Variants in AGBL4 observed in about 807,000 individuals in gnomAD.
The protein encoded by AGBL4 is cytosolic carboxypeptidase 6.
Under a neutral mutation model 66.4 loss-of-function variants are expected in AGBL4, and 58 were observed. That is an observed-to-expected ratio of 0.87 (90% CI 0.71 to 1.09). AGBL4 has a LOEUF of 1.09. Among genes scored for constraint, AGBL4 ranks in the 50% least tolerant of loss-of-function variants. The probability of loss-of-function intolerance (pLI) is 0.00; values close to 1 mark genes in which losing one functional copy is unlikely to be tolerated. For synonymous variants in AGBL4, 234 were observed against 222.9 expected (o/e 1.05, Z -0.44); for missense variants, 579 against 631.0 (o/e 0.92, Z 0.88).
chr1:48,840,033 T>C (rs1646763542), intron 6 of AGBL4, among the ~76,000 whole-genome samples: 1 of 152,174 alleles, frequency 6.6e-6, no homozygotes, highest in African/African-American at 2.4e-5. Context: ...ATATAGCTGC[T>C]CTTTGCCGAT....
At chr1:48,794,766 T>C (rs1645629485) in intron 6 of AGBL4, among the ~76,000 whole-genome samples, 1 of 152,240 alleles carries the variant, frequency 6.6e-6, no homozygotes. Context: ...AGAATTTTAC[T>C]GTAGGCCTTC....
chr1:49,883,254 A>T (rs1298749862), intron 1 of AGBL4, among the ~76,000 whole-genome samples: 1 of 151,910 alleles, frequency 6.6e-6, no homozygotes, highest in Non-Finnish European at 1.5e-5. Flanking sequence ...AAATATTGGA[A>T]CTCTTTATTA....
chr1:49,851,653 T>C (rs1557513357), intron 1 of AGBL4, 135 bp from the exon 2 acceptor site: 3 of 818,982 alleles, frequency 3.7e-6, no homozygotes, highest in Non-Finnish European at 5.4e-6. Flanking sequence ...CACATTGTGG[T>C]ACAGTGAAAA....
At chr1:48,552,518 G>A (rs1341333111) in intron 11 of AGBL4, among the ~76,000 whole-genome samples, 2 of 152,212 alleles carry the variant, frequency 1.3e-5, no homozygotes, top group Non-Finnish European at 2.9e-5. Flanking sequence ...TTATAGTCCA[G>A]GTACTATTGA....
chr1:49,301,372 T>C (rs187016373), intron 3 of AGBL4, among the ~76,000 whole-genome samples: 1 of 152,338 alleles, frequency 6.6e-6, no homozygotes, highest in African/African-American at 2.4e-5. Context: ...GCTAACTGTC[T>C]TTGCTAATCA....
At chr1:49,624,806 T>C (rs1174610961) in intron 3 of AGBL4, among the ~76,000 whole-genome samples, 1 of 152,228 alleles carries the variant, frequency 6.6e-6, no homozygotes, top group African/African-American at 2.4e-5. Context: ...TCTAGACCTT[T>C]CTCCATGTGA....
At chr1:49,024,347 A>C (rs1286252104) in intron 5 of AGBL4, among the ~76,000 whole-genome samples, 9 of 152,140 alleles carry the variant, frequency 5.9e-5, no homozygotes, top group Non-Finnish European at 1.3e-4. Flanking sequence ...CCACATCTCC[A>C]ATATGCCATG....
intron 3 of AGBL4, among the ~76,000 whole-genome samples, chr1:49,255,049 C>T (rs1172381133): frequency 6.6e-6 from 1 of 152,084 alleles, no homozygotes; most frequent in African/African-American, 2.4e-5. Flanking sequence ...AAACTGAGAA[C>T]TATAAAAACC....
Position 48,639,839 on chromosome 1 carries a change from T to C in AGBL4, c.840-5235A>G, listed in dbSNP as rs191993801. 2.0e-5 allele frequency among the ~76,000 whole-genome samples: 3 copies of C among 152,308 alleles called. No individual in the cohort carries two copies. In the East Asian group the frequency reaches 5.8e-4, roughly 29 times the overall value. On this transcript the variant is annotated intron_variant, in intron 8 of 13. Coordinates refer to ENST00000371839, the MANE Select transcript of AGBL4 (RefSeq NM_032785.4). ...TATTTCTAACAGGCTGCTAGTATGTTCTGCTTGTGTCCCTAACTGACTATA... is the reference window on the plus strand; with the variant it reads ...TATTTCTAACAGGCTGCTAGTATGTCCTGCTTGTGTCCCTAACTGACTATA...
intron 6 of AGBL4, among the ~76,000 whole-genome samples, chr1:48,831,352 G>T (rs1239725326): frequency 6.6e-6 from 1 of 152,164 alleles, no homozygotes; most frequent in African/African-American, 2.4e-5. Context: ...CCATATCTGA[G>T]AGAGCCTCTT....
intron 4 of AGBL4, among the ~76,000 whole-genome samples, chr1:49,123,178 C>T (rs1465825492): frequency 6.6e-6 from 1 of 152,058 alleles, no homozygotes; most frequent in East Asian, 1.9e-4. Context: ...TTGTTATTGC[C>T]CACTATTGTT....
At chr1:49,817,641 TACAA>T (rs1219479802) in intron 2 of AGBL4, among the ~76,000 whole-genome samples, 1 of 152,158 alleles carries the variant, frequency 6.6e-6, no homozygotes, top group Non-Finnish European at 1.5e-5. Flanking sequence ...GAAGAAAATA[TACAA>T]ACAAAGAAAA....
At chr1:48,727,915 G>T (rs759854579) in intron 6 of AGBL4, 1 of 1,605,892 alleles carries the variant, frequency 6.2e-7, no homozygotes, top group Non-Finnish European at 8.5e-7. Flanking sequence ...GCTTCCCTTC[G>T]TTCTTCATTT....
At chr1:49,028,346 G>A (rs184808892) in intron 5 of AGBL4, among the ~76,000 whole-genome samples, 1 of 152,158 alleles carries the variant, frequency 6.6e-6, no homozygotes, top group Non-Finnish European at 1.5e-5. Context: ...AGAGAAAACA[G>A]AACAATCAGC....
At chr1:49,657,328 C>A (rs1352766470) in intron 3 of AGBL4, among the ~76,000 whole-genome samples, 1 of 152,118 alleles carries the variant, frequency 6.6e-6, no homozygotes, top group Non-Finnish European at 1.5e-5. Context: ...TCAAGGAGAA[C>A]TACAAACCAC....
chr1:49,724,980 T>G (rs993483060), intron 2 of AGBL4, among the ~76,000 whole-genome samples: 2 of 138,276 alleles, frequency 1.4e-5, no homozygotes, highest in Non-Finnish European at 3.1e-5. Context: ...AAAGAAGAAA[T>G]GAAGAAATGA....
chr1:49,409,149 G>GTTCTCTCTCTCT (rs1553197342), intron 3 of AGBL4, among the ~76,000 whole-genome samples: 1 of 145,976 alleles, frequency 6.9e-6, no homozygotes, highest in Non-Finnish European at 1.5e-5. Flanking sequence ...ACTCTCTCTG[G>GTTCTCTCTCTCT]CTCTCTCTCT....
chr1:49,734,999 A>C (rs1649747931), intron 2 of AGBL4, among the ~76,000 whole-genome samples: 1 of 152,118 alleles, frequency 6.6e-6, no homozygotes, highest in Admixed American at 6.6e-5. Context: ...CAAAGATGTG[A>C]AATCAGTTAA....
intron 3 of AGBL4, among the ~76,000 whole-genome samples, chr1:49,264,148 G>A (rs901994067): frequency 3.3e-5 from 5 of 151,966 alleles, no homozygotes. Flanking sequence ...AAAGAAAGAG[G>A]TAAGGAGAGA....
Sources: allele counts gnomAD v4.1 joint callset (sites outside exome capture counted in the v4.1 genomes callset), GRCh38; gene constraint gnomAD v4.1.1; transcripts MANE v1.5; gene names NCBI Gene and HGNC (gene_info 2026-07-23, HGNC 2026-07-21).